FANCC: variants seen among roughly 807,000 people sequenced by gnomAD.
FANCC encodes Fanconi anemia group C protein.
FANCC carries 55 observed loss-of-function variants against 71.3 expected under a neutral mutation model. The observed-to-expected ratio is 0.77, with a 90% CI of 0.62 to 0.97. FANCC has a LOEUF of 0.97. Ranked by LOEUF, FANCC falls within the 50% of genes least tolerant of loss-of-function variation. The probability of loss-of-function intolerance (pLI) is 0.00; values close to 1 mark genes in which losing one functional copy is unlikely to be tolerated. For synonymous variants in FANCC, 275 were observed against 244.9 expected (o/e 1.12, Z -1.15); for missense variants, 678 against 670.9 (o/e 1.01, Z -0.12).
At chr9:95,209,285 T>C (rs1828342507) in intron 4 of FANCC, among the ~76,000 whole-genome samples, 2 of 152,182 alleles carry the variant, frequency 1.3e-5, no homozygotes, top group Non-Finnish European at 2.9e-5. Context: ...CTACGCTGTA[T>C]GATACTGTAA....
chr9:95,286,445 A>G (rs1833694017), intron 1 of FANCC, among the ~76,000 whole-genome samples: 1 of 152,212 alleles, frequency 6.6e-6, no homozygotes, highest in South Asian at 2.1e-4. Context: ...TCTTTTGAAT[A>G]CTGTCATGAC....
At chr9:95,311,705 G>C (rs1032472326) in intron 1 of FANCC, among the ~76,000 whole-genome samples, 3 of 136,738 alleles carry the variant, frequency 2.2e-5, no homozygotes, top group Non-Finnish European at 3.1e-5. Flanking sequence ...AGTCTCCTCT[G>C]AATCTGTGTG....
chr9:95,242,632 A>C (rs1830706097), intron 3 of FANCC, among the ~76,000 whole-genome samples: 1 of 152,140 alleles, frequency 6.6e-6, no homozygotes, highest in African/African-American at 2.4e-5. Flanking sequence ...TTTTTCTCCC[A>C]AAATTTTATT....
intron 4 of FANCC, among the ~76,000 whole-genome samples, chr9:95,235,844 C>CAA (rs10666439): frequency 0.37 from 13,448 of 36,184 alleles, 5,311 homozygotes; most frequent in African/African-American, 0.5. Context: ...AACTCCACCT[C>CAA]AAAAAAAAAA....
intron 5 of FANCC, 102 bp from the exon 6 acceptor site, chr9:95,171,245 A>G: frequency 1.2e-6 from 1 of 837,342 alleles, no homozygotes; most frequent in Admixed American, 1.9e-5. Flanking sequence ...GATTCCCCCA[A>G]CCCCCATCTT....
intron 4 of FANCC, among the ~76,000 whole-genome samples, chr9:95,198,697 T>C (rs1827609030): frequency 6.6e-6 from 1 of 152,196 alleles, no homozygotes; most frequent in Admixed American, 6.5e-5. Flanking sequence ...CCCAAGTATT[T>C]ACACTGGAAA....
chr9:95,283,287 C>A (rs1400118118), intron 1 of FANCC, among the ~76,000 whole-genome samples: 1 of 152,168 alleles, frequency 6.6e-6, no homozygotes, highest in Non-Finnish European at 1.5e-5. Flanking sequence ...GGCACCATAC[C>A]ATATCTGGCA....
At chr9:95,215,875 T>G (rs1828835304) in intron 4 of FANCC, among the ~76,000 whole-genome samples, 1 of 152,214 alleles carries the variant, frequency 6.6e-6, no homozygotes. Context: ...TGGAGGCCAA[T>G]TACATTGTGT....
intron 1 of FANCC, chr9:95,292,454 C>T: frequency 8.1e-7 from 1 of 1,240,830 alleles, no homozygotes; most frequent in Non-Finnish European, 1.0e-6. Flanking sequence ...CGTGGGTGCC[C>T]CCGGGACCCC....
chr9:95,259,761 C>A (rs1238715992), intron 1 of FANCC, among the ~76,000 whole-genome samples: 1 of 152,172 alleles, frequency 6.6e-6, no homozygotes, highest in African/African-American at 2.4e-5. Flanking sequence ...GGGCAACCTA[C>A]AGAATGGGAG....
intron 1 of FANCC, chr9:95,317,205 C>G (rs1034355754): frequency 6.5e-6 from 1 of 152,898 alleles, no homozygotes; most frequent in Non-Finnish European, 1.5e-5. Flanking sequence ...CAACACCCGG[C>G]TCCCGCCTCT....
intron 4 of FANCC, among the ~76,000 whole-genome samples, chr9:95,222,162 C>CAAAAAAAAAAAA (rs60764731): frequency 1.4e-5 from 1 of 70,638 alleles, no homozygotes. Flanking sequence ...GGCCCCATCT[C>CAAAAAAAAAAAA]AAAAAAAAAA....
intron 7 of FANCC, among the ~76,000 whole-genome samples, chr9:95,148,700 CATA>C (rs1829891043): frequency 6.6e-6 from 1 of 152,202 alleles, no homozygotes; most frequent in African/African-American, 2.4e-5. Flanking sequence ...ATGAACCATG[CATA>C]ATGCTACAAA....
At chr9:95,232,095 A>G (rs1223102872) in intron 4 of FANCC, among the ~76,000 whole-genome samples, 2 of 152,224 alleles carry the variant, frequency 1.3e-5, no homozygotes, top group Non-Finnish European at 2.9e-5. Flanking sequence ...GAAACTTACA[A>G]TCATGGTGGA....
intron 7 of FANCC, among the ~76,000 whole-genome samples, chr9:95,144,468 G>A (rs1340837594): frequency 3.3e-5 from 5 of 152,192 alleles, no homozygotes; most frequent in Admixed American, 6.5e-5. Context: ...TGCCCTCAGC[G>A]TCCCTCTGAG....
chr9:95,204,424 C>A (rs1466321218), intron 4 of FANCC, among the ~76,000 whole-genome samples: 2 of 152,200 alleles, frequency 1.3e-5, no homozygotes, highest in Non-Finnish European at 2.9e-5. Context: ...TAAACTTCCA[C>A]TGGGTCTCAG....
intron 4 of FANCC, among the ~76,000 whole-genome samples, chr9:95,224,713 A>AT (rs891581765): frequency 3.3e-5 from 5 of 151,352 alleles, no homozygotes; most frequent in Admixed American, 6.6e-5. Context: ...AGTATTTGTT[A>AT]TTTTTTTTTA....
chr9:95,285,212 G>A (rs973804483), intron 1 of FANCC, among the ~76,000 whole-genome samples: 5 of 151,950 alleles, frequency 3.3e-5, no homozygotes, highest in African/African-American at 1.2e-4. Flanking sequence ...GCCCTAGGGA[G>A]AATATAACTA....
At chr9:95,250,511 C>T (rs1383728383) in intron 1 of FANCC, among the ~76,000 whole-genome samples, 1 of 152,194 alleles carries the variant, frequency 6.6e-6, no homozygotes, top group Non-Finnish European at 1.5e-5. Flanking sequence ...TCTTCATGTT[C>T]ACTTGGGCAG....
Sources: gnomAD v4.1 joint callset for allele counts (sites outside exome capture counted in the v4.1 genomes callset) on GRCh38, gnomAD v4.1.1 for gene constraint, MANE v1.5 for transcripts, NCBI Gene and HGNC (gene_info 2026-07-23, HGNC 2026-07-21) for gene names.